Variants in DHX36 observed in about 807,000 individuals in gnomAD.
DHX36 encodes the protein ATP-dependent DNA/RNA helicase DHX36.
Under a neutral mutation model 139.0 loss-of-function variants are expected in DHX36, and 50 were observed. The ratio of observed to expected loss-of-function variants is 0.36; its 90% CI spans 0.29 to 0.46. DHX36 has a LOEUF of 0.46. Ranked by LOEUF, DHX36 falls within the 20% of genes least tolerant of loss-of-function variation. The pLI, the probability that DHX36 is intolerant of heterozygous loss-of-function variation, is 1.00. For synonymous variants in DHX36, 425 were observed against 401.9 expected (o/e 1.06, Z -0.69); for missense variants, 1,024 against 1,211.3 (o/e 0.85, Z 2.29).
chr3:154,314,712 G>A (rs1402746024), intron 3 of DHX36: 2 of 183,610 alleles, frequency 1.1e-5, no homozygotes, highest in Non-Finnish European at 2.2e-5. Context: ...TCTGGAACAA[G>A]CTTTACAATT....
chr3:154,295,286 G>A lies in DHX36; in HGVS notation c.1603C>T (p.Gln535Ter), dbSNP rs1365536357. 6.5e-7 allele frequency: 1 copy of A among 1,542,344 alleles called. No individual in the cohort carries two copies. Among genetic ancestry groups the A allele is most frequent in the Admixed American group, 1.9e-5 (1 of 53,588 alleles). The change falls in exon 13 of 25, where the codon CAG becomes TAG. Residue 535 changes from glutamine to a stop codon, truncating the protein, a stop_gained and splice_region_variant. Coordinates refer to ENST00000496811, the MANE Select transcript of DHX36 (RefSeq NM_020865.3). LOFTEE classifies it high-confidence loss of function. Reference sequence around the variant, plus strand: ...ACAAATGTATCCATTTAACATACCTGTGTCTGGTTAACTGTAGGCATCAGT... The same window carrying A: ...ACAAATGTATCCATTTAACATACCTATGTCTGGTTAACTGTAGGCATCAGT... ...HSLMPTVNQT[Q>*]VFKRTPPGVR...
intron 3 of DHX36, 71 bp from the exon 4 acceptor site, chr3:154,311,745 TAC>T (rs1249154570): frequency 1.6e-6 from 2 of 1,224,004 alleles, no homozygotes; most frequent in Non-Finnish European, 2.3e-6. Flanking sequence ...GTATTTAGGA[TAC>T]ATCACAGGGT....
chr3:154,298,750 C>T (rs1437444018), intron 12 of DHX36, among the ~76,000 whole-genome samples: 2 of 151,700 alleles, frequency 1.3e-5, no homozygotes, highest in African/African-American at 4.8e-5. Context: ...CCTGTCTCTA[C>T]TAAAAATACA....
intron 22 of DHX36, chr3:154,280,228 C>A: frequency 5.4e-6 from 1 of 183,502 alleles, no homozygotes; most frequent in Non-Finnish European, 1.1e-5. Context: ...CTAAGTTATC[C>A]ATTTATAAGG....
chr3:154,278,723 G>T (rs555312142), intron 22 of DHX36: 1 of 152,088 alleles, frequency 6.6e-6, no homozygotes, highest in Non-Finnish European at 1.5e-5. Flanking sequence ...CAGGTGGTCC[G>T]CCTACCTTGG....
chr3:154,304,679 G>T, intron 8 of DHX36, 127 bp downstream of exon 8: 1 of 719,600 alleles, frequency 1.4e-6, no homozygotes, highest in Non-Finnish European at 2.1e-6. Context: ...CTGGAGGGTA[G>T]AATAATATTA....
chr3:154,293,919 G>C (rs1711926984), intron 13 of DHX36, 107 bp from the exon 14 acceptor site: 2 of 730,294 alleles, frequency 2.7e-6, no homozygotes, highest in Non-Finnish European at 4.8e-6. Flanking sequence ...AGCATTCTAT[G>C]TTCATTCACT....
chr3:154,324,472 G>T lies in DHX36; in HGVS notation c.-56C>A, dbSNP rs865798534. The T allele has an allele frequency of 1.6e-4, 229 of 1,436,224 alleles. 2 individuals carry two copies. The South Asian group carries it at 1.8e-3, about 11-fold the overall frequency. The allele number at this position is 1,436,224 out of a possible 1,614,324, so 89.0% of individuals were successfully genotyped here. A position where few individuals can be genotyped will look rare whatever the true frequency, so the allele number is the denominator to read the frequency against. ...AGCAACCGCTGGAAATGGCGTCCGG[G>T]CCCGGAAGCCACTGTGCGCCCACTT... On this transcript the variant is annotated 5_prime_UTR_variant, in exon 1 of 25. Coordinates refer to ENST00000496811, the MANE Select transcript of DHX36 (RefSeq NM_020865.3).
chr3:154,278,012 G>C lies in DHX36; in HGVS notation c.2568-294C>G, dbSNP rs113264813. On this transcript the variant is annotated intron_variant, in intron 22 of 24. Transcript: ENST00000496811. ...TAATTACTCAACATTTTAGAAAAAT[G>C]GCAGAATATTCTTTTCCTTAATGTT... 6.0e-5 allele frequency: 13 copies of C among 215,896 alleles called. No individual in the cohort carries two copies. In the Admixed American group the frequency reaches 6.8e-4, roughly 11 times the overall value. The allele number at this position is 215,896 out of a possible 1,614,324, so 13.4% of individuals were successfully genotyped here.
chr3:154,309,812 A>C lies in DHX36; in HGVS notation c.654T>G (p.Asn218Lys), dbSNP rs1712661740. ...CTGTTACCTGATGGTTATCAATTAAATTTACCAATTCCTATTTCAAAAGGG... is the reference window on the plus strand; with the variant it reads ...CTGTTACCTGATGGTTATCAATTAACTTTACCAATTCCTATTTCAAAAGGG... The part of the protein sequence containing the change: ...PSYGMQKELV[N>K]LIDNHQVTVI... The change falls in exon 5 of 25, where the codon AAT (asparagine) becomes AAG (lysine). Residue 218 changes from asparagine (N) to lysine (K), a missense_variant. Asn to Lys is a moderately conservative substitution (Grantham distance 94). Transcript: ENST00000496811. 2 of 1,596,898 alleles carry C rather than the reference A, an allele frequency of 1.3e-6. No individual in the cohort carries two copies. Among genetic ancestry groups the C allele is most frequent in the Non-Finnish European group, 1.7e-6 (2 of 1,172,978 alleles).
chr3:154,287,245 G>T (rs949729614), intron 17 of DHX36, among the ~76,000 whole-genome samples: 1 of 152,176 alleles, frequency 6.6e-6, no homozygotes, highest in Admixed American at 6.5e-5. Context: ...AACTGCAGAT[G>T]CATTATAAAC....
chr3:154,280,528 A>G (rs1349588729), intron 22 of DHX36, 51 bp downstream of exon 22: 3 of 1,357,632 alleles, frequency 2.2e-6, no homozygotes, highest in African/African-American at 2.9e-5. Context: ...GCAGATTTCA[A>G]AAGTTTAAGA....
Position 154,304,313 on chromosome 3 carries a change from C to A in DHX36, c.1135+493G>T, listed in dbSNP as rs190173151. Among the ~76,000 whole-genome samples, 677 of 152,214 alleles carry A rather than the reference C, an allele frequency of 4.4e-3. 6 individuals carry two copies. Among genetic ancestry groups the A allele is most frequent in the Middle Eastern group, 0.021 (6 of 292 alleles). ...TCCAATCTAGCTTCAGCTTGGGAAACCTACTTAACTGCTCTGAGGCTGCTT... is the reference window on the plus strand; with the variant it reads ...TCCAATCTAGCTTCAGCTTGGGAAAACTACTTAACTGCTCTGAGGCTGCTT... On this transcript the variant is annotated intron_variant, in intron 8 of 24. Coordinates refer to ENST00000496811, the MANE Select transcript of DHX36 (RefSeq NM_020865.3).
chr3:154,312,452 G>C (rs780533318), intron 3 of DHX36, among the ~76,000 whole-genome samples: 3 of 151,916 alleles, frequency 2.0e-5, no homozygotes, highest in African/African-American at 7.3e-5. Context: ...TTAAGAAGCA[G>C]TCCTGTAGTT....
At chr3:154,305,832 C>G (rs987686305) in intron 6 of DHX36, among the ~76,000 whole-genome samples, 7 of 152,106 alleles carry the variant, frequency 4.6e-5, no homozygotes, top group Admixed American at 4.6e-4. Context: ...AAAGGACCAA[C>G]TATGTACTGC....
intron 14 of DHX36, among the ~76,000 whole-genome samples, chr3:154,292,917 T>C (rs1711882005): frequency 6.6e-6 from 1 of 152,080 alleles, no homozygotes; most frequent in South Asian, 2.1e-4. Context: ...CAGTAGGCAG[T>C]GTCAGGCACT....
intron 17 of DHX36, among the ~76,000 whole-genome samples, chr3:154,285,375 G>A (rs191483803): frequency 3.3e-5 from 5 of 152,276 alleles, no homozygotes; most frequent in East Asian, 1.9e-4. Flanking sequence ...TAGGTGACGC[G>A]AGACAGAAAA....
chr3:154,318,407 A>G (rs355774), intron 1 of DHX36, among the ~76,000 whole-genome samples: 137,826 of 152,140 alleles, frequency 0.91, 62,660 homozygotes, highest in East Asian at 1. Flanking sequence ...TCATTACTCT[A>G]TATTTTGTTT....
intron 1 of DHX36, among the ~76,000 whole-genome samples, 186 bp from the exon 2 acceptor site, chr3:154,316,349 C>T (rs1712982169): frequency 1.3e-5 from 2 of 152,044 alleles, no homozygotes; most frequent in South Asian, 4.1e-4. Context: ...TTAAAATTTT[C>T]GTACATATCC....
Sources: gnomAD v4.1 joint callset for allele counts (sites outside exome capture counted in the v4.1 genomes callset) on GRCh38, gnomAD v4.1.1 for gene constraint, MANE v1.5 for transcripts, NCBI Gene and HGNC (gene_info 2026-07-23, HGNC 2026-07-21) for gene names.